Variants in CDYL2 observed in about 807,000 individuals in gnomAD.
CDYL2 encodes chromodomain Y like 2.
Under a neutral mutation model 49.4 loss-of-function variants are expected in CDYL2, and 23 were observed. The observed-to-expected ratio is 0.47, with a 90% CI of 0.34 to 0.66. The LOEUF is 0.66. Among genes scored for constraint, CDYL2 ranks in the 30% least tolerant of loss-of-function variants. The probability of loss-of-function intolerance (pLI) is 0.01; values close to 1 mark genes in which losing one functional copy is unlikely to be tolerated. For missense variants in CDYL2, 678 were observed against 656.4 expected, an observed-to-expected ratio of 1.03 and a Z score of -0.36; for synonymous variants, 360 against 268.8, an observed-to-expected ratio of 1.34 and a Z score of -3.32.
At chr16:80,734,584 C>A (rs1157150367) in intron 1 of CDYL2, among the ~76,000 whole-genome samples, 1 of 152,116 alleles carries the variant, frequency 6.6e-6, no homozygotes, top group Non-Finnish European at 1.5e-5. Flanking sequence ...AGAAGCCTTT[C>A]TCCTAGGGAG....
chr16:80,652,262 C>T (rs372621382), intron 2 of CDYL2, among the ~76,000 whole-genome samples: 4 of 152,068 alleles, frequency 2.6e-5, no homozygotes, highest in Middle Eastern at 3.4e-3. Context: ...AGTGCTCAAA[C>T]AAAGCAAAGC....
intron 2 of CDYL2, among the ~76,000 whole-genome samples, chr16:80,655,912 G>C (rs72806137): frequency 0.032 from 4,926 of 152,244 alleles, 100 homozygotes; most frequent in African/African-American, 0.05. Flanking sequence ...CAACAAGCTG[G>C]CAGGGAAGAC....
intron 1 of CDYL2, among the ~76,000 whole-genome samples, chr16:80,708,255 G>A (rs1392783067): frequency 2.0e-5 from 3 of 152,200 alleles, no homozygotes; most frequent in Admixed American, 6.5e-5. Flanking sequence ...GTCAAGGTCA[G>A]GGCCAGGTGG....
At chr16:80,640,187 C>G (rs990541009) in intron 2 of CDYL2, among the ~76,000 whole-genome samples, 1 of 152,142 alleles carries the variant, frequency 6.6e-6, no homozygotes, top group African/African-American at 2.4e-5. Context: ...AGACTGCACA[C>G]CTCAAGTATC....
intron 1 of CDYL2, among the ~76,000 whole-genome samples, chr16:80,690,712 T>C (rs1412829176): frequency 6.6e-6 from 1 of 152,128 alleles, no homozygotes; most frequent in Non-Finnish European, 1.5e-5. Flanking sequence ...CCTCAACTCC[T>C]GCCAATTTCC....
chr16:80,710,647 A>G (rs1904564447), intron 1 of CDYL2, among the ~76,000 whole-genome samples: 1 of 152,212 alleles, frequency 6.6e-6, no homozygotes, highest in African/African-American at 2.4e-5. Context: ...AAGGACACAG[A>G]GGACAATAAT....
intron 1 of CDYL2, among the ~76,000 whole-genome samples, chr16:80,723,047 C>T (rs747435341): frequency 6.6e-6 from 1 of 152,242 alleles, no homozygotes; most frequent in Non-Finnish European, 1.5e-5. Flanking sequence ...AGCCTCTGAA[C>T]TGCCACACTC....
intron 1 of CDYL2, among the ~76,000 whole-genome samples, chr16:80,740,945 T>G (rs1905711857): frequency 6.6e-6 from 1 of 151,838 alleles, no homozygotes; most frequent in Non-Finnish European, 1.5e-5. Context: ...TTAAAGCAAT[T>G]TCAATCAAAA....
chr16:80,638,416 T>C (rs778603593), intron 2 of CDYL2, among the ~76,000 whole-genome samples: 3 of 152,202 alleles, frequency 2.0e-5, no homozygotes, highest in African/African-American at 4.8e-5. Flanking sequence ...CCCAACTTGA[T>C]CTATAGACTC....
In CDYL2 at chr16:80,633,014, C is replaced by G. The variant is rs1210806360; in HGVS notation, c.834+5G>C. The G allele has an allele frequency of 1.9e-6, 3 of 1,612,558 alleles. No homozygotes were observed. The highest frequency in any genetic ancestry group is 1.1e-5 in the South Asian group (1 of 91,042). On this transcript the variant is annotated splice_donor_5th_base_variant and intron_variant, in intron 3 of 6. Coordinates refer to ENST00000570137, the MANE Select transcript of CDYL2 (RefSeq NM_152342.4). ...TTGCCCTTCCCTCTGGCCGCCACCC[C>G]TTACCTCAGGTGTCAGGGCATTGTT...
intron 2 of CDYL2, among the ~76,000 whole-genome samples, chr16:80,660,816 C>G (rs1409815011): frequency 1.3e-5 from 2 of 152,082 alleles, no homozygotes; most frequent in African/African-American, 4.8e-5. Context: ...AGAAGGATCC[C>G]AGGGGAATCA....
chr16:80,779,314 A>G (rs991392840), intron 1 of CDYL2, among the ~76,000 whole-genome samples: 1 of 151,918 alleles, frequency 6.6e-6, no homozygotes, highest in Non-Finnish European at 1.5e-5. Context: ...TCTTTCTATT[A>G]TCAATAAGAA....
At chr16:80,667,502 C>A (rs1000677670) in intron 2 of CDYL2, among the ~76,000 whole-genome samples, 1 of 152,184 alleles carries the variant, frequency 6.6e-6, no homozygotes, top group African/African-American at 2.4e-5. Context: ...ATTCCTTCCC[C>A]TAAGCTGGCT....
chr16:80,714,785 G>C (rs553072052), intron 1 of CDYL2, among the ~76,000 whole-genome samples: 8 of 152,256 alleles, frequency 5.3e-5, no homozygotes, highest in African/African-American at 1.9e-4. Flanking sequence ...CTCAGTGACA[G>C]GATAAATTAC....
At chr16:80,678,879 T>C (rs1192231523) in intron 2 of CDYL2, among the ~76,000 whole-genome samples, 1 of 151,136 alleles carries the variant, frequency 6.6e-6, no homozygotes, top group Non-Finnish European at 1.5e-5. Context: ...CCAACAATGA[T>C]AGATTGGATT....
intron 1 of CDYL2, among the ~76,000 whole-genome samples, chr16:80,772,390 T>C (rs1312441876): frequency 1.3e-5 from 2 of 152,144 alleles, no homozygotes; most frequent in Non-Finnish European, 2.9e-5. Flanking sequence ...TTAAGACAAA[T>C]GTGGATAAAC....
intron 1 of CDYL2, among the ~76,000 whole-genome samples, chr16:80,759,654 G>C (rs1220984351): frequency 6.6e-6 from 1 of 152,152 alleles, no homozygotes; most frequent in Non-Finnish European, 1.5e-5. Flanking sequence ...ACACATTTAG[G>C]AGAGTGAAAT....
intron 1 of CDYL2, among the ~76,000 whole-genome samples, chr16:80,776,104 G>A (rs73579942): frequency 1.7e-3 from 264 of 151,992 alleles, no homozygotes; most frequent in African/African-American, 6.0e-3. Flanking sequence ...ACCCTCCCAC[G>A]TTAATTCTTC....
intron 1 of CDYL2, among the ~76,000 whole-genome samples, chr16:80,751,802 A>AT (rs1906146134): frequency 6.6e-6 from 1 of 152,194 alleles, no homozygotes; most frequent in East Asian, 1.9e-4. Context: ...AGGGATAATC[A>AT]GAGATAGCTG....
Sources: allele counts gnomAD v4.1 joint callset (sites outside exome capture counted in the v4.1 genomes callset), GRCh38; gene constraint gnomAD v4.1.1; transcripts MANE v1.5; gene names NCBI Gene and HGNC (gene_info 2026-07-23, HGNC 2026-07-21).